Variants in NUDT9 observed in about 807,000 individuals in gnomAD.
The protein encoded by NUDT9 is nudix hydrolase 9.
In NUDT9, 31 loss-of-function variants were observed where a neutral mutation model predicts 41.0. The observed-to-expected ratio is 0.76, with a 90% CI of 0.57 to 1.02. The LOEUF (loss-of-function observed/expected upper bound fraction) is 1.02. NUDT9 is among the 50% of genes least tolerant of loss of function. NUDT9 has a pLI of 0.00. For synonymous variants in NUDT9, 146 were observed against 147.6 expected (o/e 0.99, Z 0.08); for missense variants, 380 against 431.4 (o/e 0.88, Z 1.06).
intron 1 of NUDT9, among the ~76,000 whole-genome samples, chr4:87,423,443 ACTAT>A (rs888234644): frequency 6.6e-6 from 1 of 152,144 alleles, no homozygotes; most frequent in Admixed American, 6.5e-5. Context: ...TATTATATTT[ACTAT>A]CTACCTCCTT....
At chr4:87,429,564 C>CT (rs1721587835) in intron 1 of NUDT9, among the ~76,000 whole-genome samples, 1 of 151,900 alleles carries the variant, frequency 6.6e-6, no homozygotes, top group Non-Finnish European at 1.5e-5. Context: ...TTTTCCTTCT[C>CT]TTTTTTTCCT....
chr4:87,443,019 T>C (rs1344174541), intron 4 of NUDT9, among the ~76,000 whole-genome samples: 1 of 152,234 alleles, frequency 6.6e-6, no homozygotes, highest in Non-Finnish European at 1.5e-5. Flanking sequence ...TCACTTATTA[T>C]CAAGTATTAT....
At position 87,437,708 on chromosome 4, in the gene NUDT9, G is replaced by GTAAACCA. The variant is rs1052827150; in HGVS notation, c.348-568_348-562dup. On this transcript the variant is annotated intron_variant, in intron 2 of 7. Transcript: ENST00000302174. ...CAAAATTTTACATTTACATAGCTCT[G>GTAAACCA]TAAACCACTGCCCAGATCAAGATCT... Among the ~76,000 whole-genome samples the GTAAACCA allele has an allele frequency of 5.6e-4, 86 of 152,266 alleles. 1 individual carries two copies. Among genetic ancestry groups the GTAAACCA allele is most frequent in the Admixed American group, 1.6e-3 (25 of 15,296 alleles).
In NUDT9 at chr4:87,422,990, T is replaced by C. The variant is rs776171558; in HGVS notation, c.85T>C (p.Cys29Arg). 1 of 1,613,170 alleles carries C rather than the reference T, an allele frequency of 6.2e-7. No individual in the cohort carries two copies. Among genetic ancestry groups the C allele is most frequent in the Admixed American group, 1.7e-5 (1 of 59,902 alleles). ...CTCTGTGACTATCAGGTCCTCGCGC[T>C]GCCGCGGCATCCAGGCGTTCAGGTA... ...LASVTIRSSR[C>R]RGIQAFRNSF... Residue 29 changes from cysteine to arginine, a missense_variant, in exon 1 of 8, where the codon TGC becomes CGC. Coordinates refer to ENST00000302174, the MANE Select transcript of NUDT9 (RefSeq NM_024047.5).
chr4:87,443,179 T>C (rs28535549), intron 4 of NUDT9, among the ~76,000 whole-genome samples: 17,797 of 152,130 alleles, frequency 0.12, 1,119 homozygotes, highest in East Asian at 0.23. Flanking sequence ...AGCTCCATTG[T>C]AATCTTATGG....
intron 3 of NUDT9, among the ~76,000 whole-genome samples, chr4:87,440,323 A>G (rs1446283687): frequency 6.6e-6 from 1 of 152,198 alleles, no homozygotes; most frequent in Non-Finnish European, 1.5e-5. Flanking sequence ...ATGGAATTCG[A>G]AATCCATCAG....
chr4:87,432,720 G>A (rs1279344973), intron 1 of NUDT9, among the ~76,000 whole-genome samples: 1 of 151,134 alleles, frequency 6.6e-6, no homozygotes, highest in African/African-American at 2.4e-5. Context: ...TCGTGAAAGG[G>A]TGCTGAATTT....
chr4:87,451,623 C>T lies in NUDT9; in HGVS notation c.677C>T (p.Thr226Ile). 1 of 1,613,874 alleles carries T rather than the reference C, an allele frequency of 6.2e-7. No homozygotes were observed. Among genetic ancestry groups the T allele is most frequent in the Non-Finnish European group, 8.5e-7 (1 of 1,179,866 alleles). ...GATCCAGGAGAGAAGATTAGTGCCA[C>T]ACTGAAAAGAGAATTTGGTGAGGAA... ...MVDPGEKISA[T>I]LKREFGEEAL... Residue 226 changes from threonine (T) to isoleucine (I), a missense_variant, in exon 6 of 8, where the codon ACA becomes ATA. Physicochemically the swap from Thr to Ile is moderately conservative, Grantham distance 89. Transcript: ENST00000302174.
Position 87,437,267 on chromosome 4 carries a change from A to G in NUDT9, c.348-1010A>G, listed in dbSNP as rs1196241187. On this transcript the variant is annotated intron_variant, in intron 2 of 7. Transcript: ENST00000302174. ...TCCATCTCAAAAAAAAAAAAAAAAA[A>G]AGAAAGAAAGAAAAAATAATTTTTT... 3.0e-5 allele frequency among the ~76,000 whole-genome samples: 4 copies of G among 131,636 alleles called. No homozygotes were observed. In the Admixed American group the frequency reaches 3.1e-4, roughly 10 times the overall value. 86.4% of individuals were successfully genotyped at this position (131,636 alleles called of 152,430 possible). A position where few individuals can be genotyped will look rare whatever the true frequency, so the allele number is the denominator to read the frequency against.
intron 1 of NUDT9, among the ~76,000 whole-genome samples, chr4:87,429,315 C>CT (rs1721575295): frequency 6.6e-6 from 1 of 151,988 alleles, no homozygotes; most frequent in South Asian, 2.1e-4. Context: ...CCATGCCTGA[C>CT]TAACTTTTAA....
intron 1 of NUDT9, among the ~76,000 whole-genome samples, chr4:87,429,035 A>G (rs6837468): frequency 0.096 from 14,684 of 152,226 alleles, 1,034 homozygotes; most frequent in East Asian, 0.29. Context: ...GGGCAGTGAA[A>G]CTTGCGTATG....
chr4:87,436,166 T>C (rs957950642), intron 2 of NUDT9, among the ~76,000 whole-genome samples: 5 of 151,990 alleles, frequency 3.3e-5, no homozygotes, highest in Non-Finnish European at 7.4e-5. Context: ...GCTAATTTTA[T>C]TTTATTTTTA....
At chr4:87,425,834 TAA>T (rs1477541666) in intron 1 of NUDT9, among the ~76,000 whole-genome samples, 1 of 152,114 alleles carries the variant, frequency 6.6e-6, no homozygotes, top group African/African-American at 2.4e-5. Context: ...TTTTCTTTTT[TAA>T]TTGCTCTGTC....
At chr4:87,453,101 C>T (rs991152237) in intron 6 of NUDT9, among the ~76,000 whole-genome samples, 6 of 152,062 alleles carry the variant, frequency 3.9e-5, no homozygotes, top group African/African-American at 7.2e-5. Flanking sequence ...CGTGAGCCAC[C>T]GCACCCGGCC....
chr4:87,452,809 G>GTTTTT (rs376368372), intron 6 of NUDT9, among the ~76,000 whole-genome samples: 3 of 110,864 alleles, frequency 2.7e-5, no homozygotes, highest in Non-Finnish European at 5.3e-5. Context: ...AAATAACAGA[G>GTTTTT]TTTTTTTTTT....
intron 6 of NUDT9, among the ~76,000 whole-genome samples, chr4:87,452,872 C>T (rs991100090): frequency 7.4e-6 from 1 of 135,410 alleles, no homozygotes; most frequent in Admixed American, 8.3e-5. Context: ...AGTGCAATGG[C>T]GCGATCTCGG....
chr4:87,435,123 A>T lies in NUDT9; in HGVS notation c.250A>T (p.Lys84Ter). The change falls in exon 2 of 8, where the codon AAA (lysine) becomes TAA (stop). Residue 84 changes from lysine (K) to a stop codon, truncating the protein, a stop_gained. Coordinates refer to ENST00000302174, the MANE Select transcript of NUDT9 (RefSeq NM_024047.5). LOFTEE classifies it high-confidence loss of function. The stretch of plus-strand genomic sequence containing the variant: ...TGAACGAAGCCAGGTTCCTAATGAG[A>T]AAGTGGGCTGGCTTGTTGAGTGGCA... The part of the protein sequence containing the change: ...KVERSQVPNE[K>*]VGWLVEWQDY... 6.2e-7 allele frequency: 1 copy of T among 1,614,188 alleles called. No individual in the cohort carries two copies. Among genetic ancestry groups the T allele is most frequent in the African/African-American group, 1.3e-5 (1 of 75,048 alleles).
chr4:87,423,743 C>T (rs1358636159), intron 1 of NUDT9, among the ~76,000 whole-genome samples: 1 of 152,116 alleles, frequency 6.6e-6, no homozygotes, highest in Admixed American at 6.5e-5. Flanking sequence ...GTGATGGGCA[C>T]TGGTTATCTG....
intron 1 of NUDT9, among the ~76,000 whole-genome samples, chr4:87,432,241 C>T (rs1399439461): frequency 6.6e-6 from 1 of 152,116 alleles, no homozygotes; most frequent in Admixed American, 6.6e-5. Flanking sequence ...AGTCTAAACA[C>T]AAAATTCATT....
Sources: gnomAD v4.1 joint callset for allele counts (sites outside exome capture counted in the v4.1 genomes callset) on GRCh38, gnomAD v4.1.1 for gene constraint, MANE v1.5 for transcripts, NCBI Gene and HGNC (gene_info 2026-07-23, HGNC 2026-07-21) for gene names.